SH3PXD2A: variants seen among roughly 807,000 people sequenced by gnomAD.
SH3PXD2A encodes SH3 and PX domain-containing protein 2A.
In SH3PXD2A, 32 loss-of-function variants were observed where a neutral mutation model predicts 115.2. That is an observed-to-expected ratio of 0.28 (90% confidence interval 0.21 to 0.37). SH3PXD2A has a LOEUF of 0.37. SH3PXD2A is among the 10% of genes least tolerant of loss of function. The probability of loss-of-function intolerance (pLI) is 1.00; values close to 1 mark genes in which losing one functional copy is unlikely to be tolerated. For missense variants in SH3PXD2A, 1,328 were observed against 1,498.7 expected (o/e 0.89, Z 1.88); for synonymous variants, 610 against 629.1 (o/e 0.97, Z 0.45).
chr10:103,843,132 T>C (rs1299849134), intron 1 of SH3PXD2A, among the ~76,000 whole-genome samples: 3 of 152,162 alleles, frequency 2.0e-5, no homozygotes, highest in Admixed American at 2.0e-4. Context: ...GGTAGTAGTA[T>C]TATTATACCC....
intron 1 of SH3PXD2A, among the ~76,000 whole-genome samples, chr10:103,812,745 C>T (rs1055605631): frequency 1.3e-5 from 2 of 152,236 alleles, no homozygotes; most frequent in Non-Finnish European, 2.9e-5. Context: ...CCATCTGACA[C>T]ACTCACACCT....
intron 2 of SH3PXD2A, among the ~76,000 whole-genome samples, chr10:103,769,724 G>A (rs533384388): frequency 1.5e-4 from 23 of 152,136 alleles, no homozygotes; most frequent in African/African-American, 4.6e-4. Flanking sequence ...GAGCCACGGC[G>A]CCTGGCCACG....
intron 2 of SH3PXD2A, among the ~76,000 whole-genome samples, chr10:103,769,583 C>T (rs1194485587): frequency 6.6e-6 from 1 of 151,970 alleles, no homozygotes; most frequent in Non-Finnish European, 1.5e-5. Flanking sequence ...AGGTGTGTGC[C>T]ACCACGCCTG....
At chr10:103,785,257 G>T (rs567907937) in intron 2 of SH3PXD2A, among the ~76,000 whole-genome samples, 5 of 152,190 alleles carry the variant, frequency 3.3e-5, no homozygotes, top group African/African-American at 9.7e-5. Flanking sequence ...TTTCTAGCAG[G>T]AACAGCAATG....
chr10:103,603,106 AGAG>A lies in SH3PXD2A; in HGVS notation c.2109_2111del (p.Ser710del), dbSNP rs375350204. On this transcript the variant is annotated inframe_deletion, in exon 15 of 15. Transcript: ENST00000369774. ...TGGACAAGGAAGAGGAGGAGGAGGA[AGAG>A]GAGGAGCAGCAAGTGGTGTTGATGG... The A allele has an allele frequency of 8.4e-5, 135 of 1,612,872 alleles. No homozygotes were observed. In the African/African-American group the frequency reaches 1.6e-3, roughly 19 times the overall value.
At chr10:103,792,403 C>T (rs1184472988) in intron 2 of SH3PXD2A, among the ~76,000 whole-genome samples, 1 of 152,160 alleles carries the variant, frequency 6.6e-6, no homozygotes, top group African/African-American at 2.4e-5. Context: ...AAACTTCTGT[C>T]TCTAGATGGA....
chr10:103,701,394 T>TCATCCATCCATCCAC (rs1208014902), intron 5 of SH3PXD2A, among the ~76,000 whole-genome samples: 1 of 115,166 alleles, frequency 8.7e-6, no homozygotes, highest in Admixed American at 8.6e-5. Flanking sequence ...CATCCATCCA[T>TCATCCATCCATCCAC]CATCCATCCA....
chr10:103,751,051 T>A (rs913060333), intron 3 of SH3PXD2A, among the ~76,000 whole-genome samples: 1 of 152,128 alleles, frequency 6.6e-6, no homozygotes, highest in Non-Finnish European at 1.5e-5. Context: ...CCCAGACCAA[T>A]AGAATGCAGA....
intron 8 of SH3PXD2A, among the ~76,000 whole-genome samples, chr10:103,637,909 T>TAAG (rs1378569045): frequency 5.4e-4 from 82 of 152,314 alleles, no homozygotes; most frequent in Middle Eastern, 3.4e-3. Flanking sequence ...CTAAGGCTTC[T>TAAG]GCCTTTGTGG....
At chr10:103,687,616 C>G (rs908090013) in intron 6 of SH3PXD2A, among the ~76,000 whole-genome samples, 3 of 152,192 alleles carry the variant, frequency 2.0e-5, no homozygotes, top group Non-Finnish European at 4.4e-5. Context: ...CCCCTGCGAC[C>G]TTGCACATCA....
At chr10:103,760,690 T>C (rs1056587713) in intron 3 of SH3PXD2A, among the ~76,000 whole-genome samples, 2 of 151,900 alleles carry the variant, frequency 1.3e-5, no homozygotes, top group Admixed American at 6.6e-5. Context: ...ATACTTTTTT[T>C]TTAATCAAAA....
intron 8 of SH3PXD2A, among the ~76,000 whole-genome samples, chr10:103,636,936 A>G (rs1200245635): frequency 1.3e-5 from 2 of 152,198 alleles, no homozygotes; most frequent in Non-Finnish European, 1.5e-5. Flanking sequence ...GTGACCTGAG[A>G]TAGGTCACTG....
intron 8 of SH3PXD2A, among the ~76,000 whole-genome samples, chr10:103,641,133 TG>T (rs1171876020): frequency 6.6e-6 from 1 of 152,188 alleles, no homozygotes; most frequent in Non-Finnish European, 1.5e-5. Flanking sequence ...AGCTCAAATC[TG>T]ACAAGATGCA....
At chr10:103,630,729 C>T (rs2036765939) in intron 8 of SH3PXD2A, among the ~76,000 whole-genome samples, 1 of 144,132 alleles carries the variant, frequency 6.9e-6, no homozygotes, top group Non-Finnish European at 1.5e-5. Context: ...ATAGCAAGAC[C>T]CCTACTCCCT....
chr10:103,638,812 T>A (rs1301079997), intron 8 of SH3PXD2A, among the ~76,000 whole-genome samples: 1 of 152,142 alleles, frequency 6.6e-6, no homozygotes, highest in African/African-American at 2.4e-5. Flanking sequence ...AACCAAGACC[T>A]CAATGCGCCT....
In SH3PXD2A at chr10:103,600,718, C is replaced by T. The variant is rs139096608; in HGVS notation, c.*1098G>A. 90 of 152,344 alleles carry T rather than the reference C, an allele frequency of 5.9e-4. No individual in the cohort carries two copies. Among genetic ancestry groups the T allele is most frequent in the African/African-American group, 2.0e-3 (85 of 41,582 alleles). The allele number at this position is 152,344 out of a possible 1,614,324, so 9.4% of individuals were successfully genotyped here. On this transcript the variant is annotated 3_prime_UTR_variant, in exon 15 of 15. Transcript: ENST00000369774. ...TTTCTCTGCTTCACCATGTCTGCAA[C>T]CTGGGGCTTGCCTAGCCCCAAATTT...
chr10:103,721,207 C>T (rs1411433253), intron 5 of SH3PXD2A, among the ~76,000 whole-genome samples: 2 of 152,244 alleles, frequency 1.3e-5, no homozygotes, highest in Non-Finnish European at 2.9e-5. Flanking sequence ...TCCTGTGCAC[C>T]AGTAGCACCT....
intron 6 of SH3PXD2A, among the ~76,000 whole-genome samples, chr10:103,681,586 A>G (rs2037608588): frequency 6.6e-6 from 1 of 152,210 alleles, no homozygotes; most frequent in Non-Finnish European, 1.5e-5. Flanking sequence ...TCTACTAAAA[A>G]TACAAAAATT....
At chr10:103,667,994 G>A (rs983658517) in intron 7 of SH3PXD2A, among the ~76,000 whole-genome samples, 1 of 152,222 alleles carries the variant, frequency 6.6e-6, no homozygotes, top group African/African-American at 2.4e-5. Flanking sequence ...AGCCAGGCAG[G>A]CCAAGCTCTG....
Sources: allele counts gnomAD v4.1 joint callset (sites outside exome capture counted in the v4.1 genomes callset), GRCh38; gene constraint gnomAD v4.1.1; transcripts MANE v1.5; gene names NCBI Gene and HGNC (gene_info 2026-07-23, HGNC 2026-07-21).